The following LDLRAD4 variants were observed in gnomAD, a reference collection of about 807,000 sequenced individuals.
The protein encoded by LDLRAD4 is low-density lipoprotein receptor class A domain-containing protein 4.
In LDLRAD4, 5 loss-of-function variants were observed where a neutral mutation model predicts 17.0. The observed-to-expected ratio is 0.29, with a 90% CI of 0.15 to 0.62. LDLRAD4 has a LOEUF of 0.62. Among genes scored for constraint, LDLRAD4 ranks in the 20% least tolerant of loss-of-function variants. The pLI is 0.84. For missense variants in LDLRAD4, 340 were observed against 424.7 expected (o/e 0.80, Z 1.75); for synonymous variants, 168 against 171.8 (o/e 0.98, Z 0.17).
At chr18:13,480,684 T>C (rs1444218151) in intron 3 of LDLRAD4, among the ~76,000 whole-genome samples, 2 of 152,206 alleles carry the variant, frequency 1.3e-5, no homozygotes, top group Non-Finnish European at 2.9e-5. Context: ...GTGAGAAATC[T>C]CTGCATGTTC....
rs190261636 is a variant in LDLRAD4, at chr18:13,452,741, G to A, written c.181+14357G>A. ...CTTCTCTCCACAATTCCACCAGGTCGCGTGTTTACTAATTGCTAAGTGCTT... is the reference window on the plus strand; with the variant it reads ...CTTCTCTCCACAATTCCACCAGGTCACGTGTTTACTAATTGCTAAGTGCTT... On this transcript the variant is annotated intron_variant, in intron 3 of 5. Coordinates refer to ENST00000359446, the Ensembl canonical transcript of LDLRAD4. Among the ~76,000 whole-genome samples, 348 of 152,320 alleles carry A rather than the reference G, an allele frequency of 2.3e-3. 2 individuals carry two copies. Among genetic ancestry groups the A allele is most frequent in the Non-Finnish European group, 3.5e-3 (241 of 68,028 alleles).
chr18:13,262,047 C>A (rs2043856767), intron 1 of LDLRAD4, among the ~76,000 whole-genome samples: 1 of 112,264 alleles, frequency 8.9e-6, no homozygotes, highest in South Asian at 3.0e-4. Flanking sequence ...TGCATGGAAA[C>A]TGAGTCCCGT....
At chr18:13,632,083 G>T (rs2041714487) in intron 4 of LDLRAD4, among the ~76,000 whole-genome samples, 1 of 152,198 alleles carries the variant, frequency 6.6e-6, no homozygotes, top group Non-Finnish European at 1.5e-5. Context: ...GAAGTTGGGG[G>T]TCCCAAACTT....
At chr18:13,484,483 T>G (rs2093170774) in intron 3 of LDLRAD4, among the ~76,000 whole-genome samples, 1 of 152,076 alleles carries the variant, frequency 6.6e-6, no homozygotes, top group Non-Finnish European at 1.5e-5. Context: ...TTCGGTGGTG[T>G]GCCAGCTACT....
chr18:13,596,669 T>G (rs1384427788), intron 3 of LDLRAD4, among the ~76,000 whole-genome samples: 1 of 152,232 alleles, frequency 6.6e-6, no homozygotes, highest in African/African-American at 2.4e-5. Context: ...TGTCATTTTA[T>G]GTCTTTTAAA....
At chr18:13,514,635 C>G (rs2093835526) in intron 3 of LDLRAD4, 1 of 152,168 alleles carries the variant, frequency 6.6e-6, no homozygotes, top group African/African-American at 2.4e-5. Context: ...ATATTTGTGT[C>G]TATGTGTATA....
chr18:13,430,911 A>G (rs959279817), intron 2 of LDLRAD4, among the ~76,000 whole-genome samples: 1 of 152,194 alleles, frequency 6.6e-6, no homozygotes, highest in African/African-American at 2.4e-5. Flanking sequence ...GGAGGAGCTC[A>G]GTACACATTT....
rs145203523 is a variant in LDLRAD4, at chr18:13,435,159, G to A, written c.41-3085G>A. ...ACAGTGTGCTGGGGACAGCCTGTCC[G>A]GAGTTGGGATGGAGGTGGAAGCCTG... On this transcript the variant is annotated intron_variant, in intron 2 of 5. Transcript: ENST00000359446. Among the ~76,000 whole-genome samples the A allele has an allele frequency of 1.8e-3, 269 of 152,342 alleles. 1 individual carries two copies. The highest frequency in any genetic ancestry group is 6.0e-3 in the African/African-American group (251 of 41,582).
intron 3 of LDLRAD4, chr18:13,612,527 C>T: frequency 4.2e-6 from 6 of 1,418,036 alleles, no homozygotes; most frequent in Non-Finnish European, 4.6e-6. Flanking sequence ...AGAGAGTGAA[C>T]GAGGCAGACA....
intron 1 of LDLRAD4, among the ~76,000 whole-genome samples, chr18:13,261,747 C>T (rs140950407): frequency 6.6e-6 from 1 of 152,136 alleles, no homozygotes; most frequent in African/African-American, 2.4e-5. Context: ...TGAAGACTGC[C>T]CAAGAGTTAT....
chr18:13,311,262 AC>A (rs1462809227), intron 1 of LDLRAD4, among the ~76,000 whole-genome samples: 2 of 152,238 alleles, frequency 1.3e-5, no homozygotes, highest in African/African-American at 4.8e-5. Flanking sequence ...CCAGACAGGG[AC>A]TGACTTCAGT....
intron 3 of LDLRAD4, among the ~76,000 whole-genome samples, chr18:13,495,779 C>T (rs774141125): frequency 1.2e-4 from 18 of 152,186 alleles, no homozygotes; most frequent in Non-Finnish European, 2.1e-4. Flanking sequence ...ACTGAGATGG[C>T]GACTGAAACT....
chr18:13,354,427 T>A (rs1488211958), intron 1 of LDLRAD4, among the ~76,000 whole-genome samples: 2 of 152,218 alleles, frequency 1.3e-5, no homozygotes, highest in South Asian at 4.1e-4. Flanking sequence ...ATGGATATAA[T>A]GGAAAATGTT....
At chr18:13,632,192 A>G (rs2041722918) in intron 4 of LDLRAD4, among the ~76,000 whole-genome samples, 1 of 152,092 alleles carries the variant, frequency 6.6e-6, no homozygotes, top group Non-Finnish European at 1.5e-5. Flanking sequence ...CCAGTCAGAA[A>G]CCTTTGTGGC....
chr18:13,247,783 TAAG>T (rs1222419723), intron 1 of LDLRAD4, among the ~76,000 whole-genome samples: 1 of 152,094 alleles, frequency 6.6e-6, no homozygotes, highest in Non-Finnish European at 1.5e-5. Context: ...CGCCTGTGCT[TAAG>T]AACTGGATCT....
chr18:13,388,949 G>A (rs2086045866), intron 2 of LDLRAD4, among the ~76,000 whole-genome samples: 1 of 152,200 alleles, frequency 6.6e-6, no homozygotes, highest in Non-Finnish European at 1.5e-5. Context: ...TGGTTAGCTT[G>A]GCAGCTGTGT....
chr18:13,375,642 T>C (rs1194656087), intron 1 of LDLRAD4, among the ~76,000 whole-genome samples: 2 of 152,200 alleles, frequency 1.3e-5, no homozygotes, highest in Non-Finnish European at 2.9e-5. Flanking sequence ...AATTCTAATC[T>C]AAGCAGGCCC....
Position 13,301,434 on chromosome 18 carries a change from C to A in LDLRAD4, c.-383+23246C>A, listed in dbSNP as rs770289827. ...GGTGACAGAAGGCTGGGGCTTGGGG[C>A]GAGGGGGGTGGGGAAGATTCTCTTA... On this transcript the variant is annotated intron_variant, in intron 1 of 5. Coordinates refer to ENST00000359446, the Ensembl canonical transcript of LDLRAD4. Among the ~76,000 whole-genome samples the A allele has an allele frequency of 9.2e-4, 121 of 131,890 alleles. 1 individual carries two copies. Among genetic ancestry groups the A allele is most frequent in the Admixed American group, 4.0e-3 (51 of 12,910 alleles). The allele number at this position is 131,890 out of a possible 152,430, so 86.5% of individuals were successfully genotyped here. A position where few individuals can be genotyped will look rare whatever the true frequency, so the allele number is the denominator to read the frequency against.
At chr18:13,221,004 T>C (rs895512810) in intron 1 of LDLRAD4, among the ~76,000 whole-genome samples, 2 of 152,218 alleles carry the variant, frequency 1.3e-5, no homozygotes, top group Admixed American at 6.5e-5. Flanking sequence ...ATTCTTGAAA[T>C]TGTAGACTGC....
Sources: gnomAD v4.1 joint callset for allele counts (sites outside exome capture counted in the v4.1 genomes callset) on GRCh38, gnomAD v4.1.1 for gene constraint, MANE v1.5 for transcripts, NCBI Gene and HGNC (gene_info 2026-07-23, HGNC 2026-07-21) for gene names.